Variants in SMG9 observed in about 807,000 individuals in gnomAD.
The protein encoded by SMG9 is nonsense-mediated mRNA decay factor SMG9.
A neutral mutation model predicts 64.0 loss-of-function variants in SMG9; 55 were observed. That is an observed-to-expected ratio of 0.86 (90% confidence interval 0.69 to 1.08). SMG9 has a LOEUF of 1.08. Ranked by LOEUF, SMG9 falls within the 50% of genes least tolerant of loss-of-function variation. The pLI is 0.00. For synonymous variants in SMG9, 244 were observed against 254.8 expected (o/e 0.96, Z 0.41); for missense variants, 554 against 681.3 (o/e 0.81, Z 2.08).
intron 8 of SMG9, 29 bp from the exon 9 acceptor site, chr19:43,737,711 G>A: frequency 2.5e-6 from 4 of 1,608,856 alleles, no homozygotes; most frequent in Non-Finnish European, 3.4e-6. Context: ...GAAGGGAGGT[G>A]AGGACCTCTT....
intron 9 of SMG9, among the ~76,000 whole-genome samples, chr19:43,737,272 C>CAATAAATAAATA (rs60683205): frequency 2.0e-5 from 3 of 149,336 alleles, no homozygotes; most frequent in South Asian, 2.1e-4. Flanking sequence ...GACTCCGTCT[C>CAATAAATAAATA]AATAAATAAA....
chr19:43,739,853 C>G (rs531840324), intron 7 of SMG9: 2 of 502,438 alleles, frequency 4.0e-6, no homozygotes, highest in Admixed American at 6.6e-5. Context: ...AACACACATT[C>G]TCCAGGGCCC....
chr19:43,750,388 C>A, intron 2 of SMG9: 3 of 713,634 alleles, frequency 4.2e-6, no homozygotes, highest in African/African-American at 3.5e-5. Context: ...CAAGTCTCTG[C>A]TAAAAAGTCA....
chr19:43,735,739 T>A (rs948994534), intron 9 of SMG9, among the ~76,000 whole-genome samples: 3 of 151,890 alleles, frequency 2.0e-5, no homozygotes, highest in African/African-American at 7.3e-5. Flanking sequence ...AGGTAAGGGA[T>A]AATGGGATTG....
chr19:43,735,139 G>C (rs1027184016), intron 9 of SMG9, among the ~76,000 whole-genome samples: 2 of 152,194 alleles, frequency 1.3e-5, no homozygotes, highest in African/African-American at 4.8e-5. Flanking sequence ...AGCATTTTCA[G>C]ATTGGCTTCA....
At chr19:43,731,767 A>C (rs1968493663) in intron 13 of SMG9, 93 bp from the exon 14 acceptor site, 1 of 1,428,950 alleles carries the variant, frequency 7.0e-7, no homozygotes, top group Non-Finnish European at 9.7e-7. Flanking sequence ...GGCCCCTTTT[A>C]TGACCTGAGA....
chr19:43,748,795 A>G (rs766178940), intron 2 of SMG9: 1 of 520,106 alleles, frequency 1.9e-6, no homozygotes, highest in Non-Finnish European at 3.8e-6. Context: ...TCACCAATAT[A>G]CTGAGGACAC....
chr19:43,744,550 G>A (rs1968940296), intron 6 of SMG9, among the ~76,000 whole-genome samples: 1 of 143,198 alleles, frequency 7.0e-6, no homozygotes, highest in African/African-American at 2.5e-5. Context: ...GGCCAGGCAG[G>A]AAGGGAGGGA....
Position 43,750,693 on chromosome 19 carries a change from G to C in SMG9, c.49C>G (p.Arg17Gly). 1 of 1,613,860 alleles carries C rather than the reference G, an allele frequency of 6.2e-7. No homozygotes were observed. Among genetic ancestry groups the C allele is most frequent in the Non-Finnish European group, 8.5e-7 (1 of 1,179,916 alleles). Residue 17 changes from arginine to glycine, a missense_variant, in exon 2 of 14, where the codon CGG (arginine) becomes GGG (glycine). Coordinates refer to ENST00000270066, the MANE Select transcript of SMG9 (RefSeq NM_019108.4). ...SQPGLYGIER[R>G]RRWKEPGSGG... ...GAGCCAGGCTCCTTCCACCGTCGCC[G>C]CCGCTCTATCCCATAGAGTCCAGGC... is the stretch of plus-strand genomic sequence containing the variant.
In SMG9 at chr19:43,748,061, AG is replaced by A; in HGVS notation, c.151-10del. ...GTCTCTTCGCTGGCATCCTGTGGTG[AG>A]GGAGGGCAGTTACTCATGAATGGCT... On this transcript the variant is annotated splice_polypyrimidine_tract_variant and intron_variant, in intron 2 of 13. Transcript: ENST00000270066. 1 of 1,601,796 alleles carries A rather than the reference AG, an allele frequency of 6.2e-7. No individual in the cohort carries two copies. Among genetic ancestry groups the A allele is most frequent in the Non-Finnish European group, 8.5e-7 (1 of 1,173,764 alleles).
In SMG9 at chr19:43,728,892, G is replaced by C. The variant is rs903118520; in HGVS notation, c.*2704C>G. ...GAATTGAAAAGCGTGAGTTCCACCT[G>C]CTGGGAATGATGAAGGGACTGGAGA... On this transcript the variant is annotated 3_prime_UTR_variant, in exon 14 of 14. Coordinates refer to ENST00000270066, the MANE Select transcript of SMG9 (RefSeq NM_019108.4). The C allele has an allele frequency of 1.0e-5, 7 of 696,494 alleles. No individual in the cohort carries two copies. In the East Asian group the frequency reaches 9.3e-4, roughly 93 times the overall value. 43.1% of individuals were successfully genotyped at this position (696,494 alleles called of 1,614,324 possible). A position where few individuals can be genotyped will look rare whatever the true frequency, so the allele number is the denominator to read the frequency against.
rs1969304782 is a variant in SMG9 at position 43,754,783 on chromosome 19, G to A, written c.-136C>T. 6.6e-6 allele frequency: 1 copy of A among 152,212 alleles called. No individual in the cohort carries two copies. The highest frequency in any genetic ancestry group is 1.5e-5 in the Non-Finnish European group (1 of 68,048). The allele number at this position is 152,212 out of a possible 1,614,324, so 9.4% of individuals were successfully genotyped here. ...CGTCTGGGGGCCAGGAACGTGGGAA[G>A]GAGAGAAAATGGGCACTCCCCACTC... On this transcript the variant is annotated 5_prime_UTR_variant, in exon 1 of 14. Transcript: ENST00000270066.
chr19:43,743,895 A>C (rs993363036), intron 6 of SMG9, among the ~76,000 whole-genome samples: 24 of 152,276 alleles, frequency 1.6e-4, no homozygotes, highest in African/African-American at 5.3e-4. Flanking sequence ...CCTGCTTTAC[A>C]AAAAAACAGA....
At chr19:43,733,516 GAC>G (rs1968553711) in intron 11 of SMG9, 64 bp from the exon 12 acceptor site, 2 of 1,611,102 alleles carry the variant, frequency 1.2e-6, no homozygotes, top group Non-Finnish European at 1.7e-6. Flanking sequence ...GGGAATTGTT[GAC>G]AGTCAAAGCA....
chr19:43,743,574 T>C (rs1323269379), intron 6 of SMG9, among the ~76,000 whole-genome samples: 12 of 152,104 alleles, frequency 7.9e-5, no homozygotes, highest in South Asian at 2.1e-4. Context: ...AGCGGGAGGA[T>C]TGCTTGAGCC....
At position 43,734,287 on chromosome 19, in the gene SMG9, C is replaced by G. The variant is rs558893406; in HGVS notation, c.1102+102G>C. On this transcript the variant is annotated intron_variant, in intron 10 of 13. Coordinates refer to ENST00000270066, the MANE Select transcript of SMG9 (RefSeq NM_019108.4). Reference sequence around the variant, plus strand: ...CTCTCAAAAGTGCTCCACCCAGAACCCCACTCCTTCCTCTCTCTCCCCTCT... The same window carrying G: ...CTCTCAAAAGTGCTCCACCCAGAACGCCACTCCTTCCTCTCTCTCCCCTCT... The G allele has an allele frequency of 3.2e-6, 3 of 932,822 alleles. No homozygotes were observed. In the East Asian group the frequency reaches 7.9e-5, roughly 25 times the overall value. The allele number at this position is 932,822 out of a possible 1,614,324, so 57.8% of individuals were successfully genotyped here. A position where few individuals can be genotyped will look rare whatever the true frequency, so the allele number is the denominator to read the frequency against.
intron 6 of SMG9, 139 bp downstream of exon 6, chr19:43,744,633 T>C: frequency 1.8e-6 from 1 of 564,522 alleles, no homozygotes; most frequent in South Asian, 2.1e-5. Context: ...CTTCATCTCA[T>C]GAAGACACTG....
At chr19:43,736,329 T>C (rs538779362) in intron 9 of SMG9, among the ~76,000 whole-genome samples, 1 of 152,290 alleles carries the variant, frequency 6.6e-6, no homozygotes, top group Non-Finnish European at 1.5e-5. Flanking sequence ...TCTGAAGGCA[T>C]CTGCTTCCTA....
At position 43,747,433 on chromosome 19, in the gene SMG9, C is replaced by T. The variant is rs1464343899; in HGVS notation, c.588+9G>A. 6.2e-7 allele frequency: 1 copy of T among 1,612,134 alleles called. No individual in the cohort carries two copies. ...GCGGAAGCTCAGGCAGGGCAGGACC[C>T]CTCGGTACCTCGATGGCACTGTCAC... On this transcript the variant is annotated intron_variant, in intron 5 of 13. Transcript: ENST00000270066.
Sources: gnomAD v4.1 joint callset for allele counts (sites outside exome capture counted in the v4.1 genomes callset) on GRCh38, gnomAD v4.1.1 for gene constraint, MANE v1.5 for transcripts, NCBI Gene and HGNC (gene_info 2026-07-23, HGNC 2026-07-21) for gene names.